BRD9: variants seen among roughly 807,000 people sequenced by gnomAD.
The protein encoded by BRD9 is bromodomain containing 9, also known as bromodomain-containing protein 9.
BRD9 carries 47 observed loss-of-function variants against 68.7 expected under a neutral mutation model. The ratio of observed to expected loss-of-function variants is 0.68; its 90% CI spans 0.54 to 0.87. BRD9 has a LOEUF of 0.87. BRD9 is among the 40% of genes least tolerant of loss of function. The pLI, the probability that BRD9 is intolerant of heterozygous loss-of-function variation, is 0.00. For missense variants in BRD9, 670 were observed against 748.4 expected (o/e 0.90, Z 1.22); for synonymous variants, 313 against 293.9 (o/e 1.06, Z -0.67).
rs549082364 is a variant in BRD9 at position 891,131 on chromosome 5, G to T, written c.400+24C>A. On this transcript the variant is annotated intron_variant, in intron 3 of 15. Coordinates refer to ENST00000467963, the MANE Select transcript of BRD9 (RefSeq NM_023924.5). ...CAACGATGAGCTGTGAACACCAGGA[G>T]AGTCTCTAAAAGTGCACCCTTGCCT... 9 of 1,537,070 alleles carry T rather than the reference G, an allele frequency of 5.9e-6. No homozygotes were observed. In the East Asian group the frequency reaches 2.2e-4, roughly 38 times the overall value.
intron 9 of BRD9, 119 bp from the exon 10 acceptor site, chr5:880,008 AT>A: frequency 1.9e-6 from 2 of 1,066,002 alleles, no homozygotes; most frequent in Non-Finnish European, 2.9e-6. Context: ...AGGTGGGGGG[AT>A]TTTATAATGA....
At chr5:873,499 A>C (rs991365016) in intron 12 of BRD9, among the ~76,000 whole-genome samples, 1 of 152,200 alleles carries the variant, frequency 6.6e-6, no homozygotes. Flanking sequence ...CCCTGCTTGC[A>C]GATACCGCCC....
At chr5:865,624 G>A (rs779681099) in intron 14 of BRD9, 43 bp from the exon 15 acceptor site, 15 of 1,551,698 alleles carry the variant, frequency 9.7e-6, no homozygotes, top group African/African-American at 4.1e-5. Context: ...GAGCTCAGCC[G>A]GCCCGTCTAC....
chr5:886,744 G>A, intron 6 of BRD9, 37 bp from the exon 7 acceptor site: 2 of 1,613,558 alleles, frequency 1.2e-6, no homozygotes. Flanking sequence ...ACGACATGCT[G>A]CGCTTCAAAG....
At chr5:887,260 T>C in intron 6 of BRD9, 101 bp downstream of exon 6, 1 of 978,948 alleles carries the variant, frequency 1.0e-6, no homozygotes, top group South Asian at 1.4e-5. Flanking sequence ...GGGTGGCGGG[T>C]GGATGGAGCA....
At chr5:888,420 T>C (rs1041518475) in intron 5 of BRD9, 2 of 152,306 alleles carry the variant, frequency 1.3e-5, no homozygotes, top group Non-Finnish European at 2.9e-5. Context: ...TCAGTAAGCA[T>C]AAAATAGAAA....
intron 1 of BRD9, 34 bp downstream of exon 1, chr5:892,572 G>GCCCGCCGCGCGTCACAAAGC: frequency 6.5e-7 from 1 of 1,531,844 alleles, no homozygotes; most frequent in Non-Finnish European, 8.8e-7. Context: ...CCGGGACCCC[G>GCCCGCCGCGCGTCACAAAGC]CCCGCCGCGC....
At chr5:868,860 C>T (rs568358150) in intron 14 of BRD9, 3 of 156,138 alleles carry the variant, frequency 1.9e-5, no homozygotes, top group East Asian at 3.8e-4. Flanking sequence ...ACAGGTGGAA[C>T]GTCACCACGC....
chr5:889,489 G>C (rs1051211230), intron 4 of BRD9, 98 bp downstream of exon 4: 2 of 1,361,470 alleles, frequency 1.5e-6, no homozygotes, highest in African/African-American at 1.5e-5. Flanking sequence ...TGCAGGGTCT[G>C]TTTCACAGCT....
intron 2 of BRD9, 170 bp downstream of exon 2, chr5:891,470 C>A: frequency 1.5e-6 from 2 of 1,322,168 alleles, no homozygotes; most frequent in African/African-American, 1.5e-5. Context: ...AACAGCACAC[C>A]CAGGATCCTG....
intron 8 of BRD9, chr5:881,864 A>G (rs1423667666): frequency 1.3e-5 from 2 of 152,888 alleles, no homozygotes; most frequent in Non-Finnish European, 2.9e-5. Context: ...GGTCAGCTCA[A>G]TGGGACACGG....
At chr5:887,814 T>C (rs141162651) in intron 5 of BRD9, among the ~76,000 whole-genome samples, 12 of 152,298 alleles carry the variant, frequency 7.9e-5, no homozygotes, top group Non-Finnish European at 1.8e-4. Context: ...TTCTTTCAAG[T>C]GCAAGTCAAG....
intron 9 of BRD9, among the ~76,000 whole-genome samples, chr5:880,760 C>T (rs1751617133): frequency 6.6e-6 from 1 of 152,236 alleles, no homozygotes; most frequent in Non-Finnish European, 1.5e-5. Context: ...CAGGGTGGGC[C>T]AGCACTCTGG....
chr5:864,941 A>G (rs57134736), intron 15 of BRD9, among the ~76,000 whole-genome samples: 5,720 of 152,296 alleles, frequency 0.038, 339 homozygotes, highest in African/African-American at 0.13. Flanking sequence ...TCACAAGGTC[A>G]ATGGAATCGA....
At position 884,077 on chromosome 5, in the gene BRD9, G is replaced by C. The variant is rs1286462790; in HGVS notation, c.834-7C>G. On this transcript the variant is annotated splice_polypyrimidine_tract_variant and splice_region_variant and intron_variant, in intron 7 of 15. Coordinates refer to ENST00000467963, the MANE Select transcript of BRD9 (RefSeq NM_023924.5). ...TTCAGGCTCAAACATGCAGCTGTGA[G>C]GTGGGGACAACCAAGTCACCTGGAG... is the stretch of plus-strand genomic sequence containing the variant. 1 of 1,611,978 alleles carries C rather than the reference G, an allele frequency of 6.2e-7. No homozygotes were observed. The highest frequency in any genetic ancestry group is 2.2e-5 in the East Asian group (1 of 44,842).
At chr5:886,496 G>A (rs879324020) in intron 7 of BRD9, 96 bp downstream of exon 7, 53 of 1,182,024 alleles carry the variant, frequency 4.5e-5, no homozygotes, top group African/African-American at 1.1e-4. Context: ...CATGACATCC[G>A]TTCTCTCACT....
rs753012675 is a variant in BRD9 at position 865,563 on chromosome 5, A to G, written c.1544T>C (p.Leu515Pro). The G allele has an allele frequency of 1.2e-6, 2 of 1,602,044 alleles. No homozygotes were observed. The highest frequency in any genetic ancestry group is 3.3e-5 in the Admixed American group (2 of 59,922). The change falls in exon 15 of 16, where the codon CTG becomes CCG. Residue 515 changes from leucine to proline, a missense_variant. Physicochemically the swap from Leu to Pro is moderately conservative, Grantham distance 98. This residue lies in a region of BRD9 where 280 missense variants were observed against 281.5 expected (regional missense o/e 0.99). Coordinates refer to ENST00000467963, the MANE Select transcript of BRD9 (RefSeq NM_023924.5). The stretch of plus-strand genomic sequence containing the variant: ...GTTCAAATGGCTGTCGTCAGGGTCC[A>G]GCTCCTTCTTCACCTTCCCTGTGTA... ...LSSLGKVKKE[L>P]DPDDSHLNLD... is the part of the protein sequence containing the mutation.
Position 883,971 on chromosome 5 carries a change from C to G in BRD9, c.933G>C (p.Arg311=). ...CTGGGAGGAACCGGTTGATCCTGTC[C>G]CGAGCTTCGTCAGCTGCGTGCTCCA... is the stretch of plus-strand genomic sequence containing the variant. ...ALVEHAADEA[R]DRINRFLPGG... Residue 311 remains arginine (R), a synonymous_variant, in exon 8 of 16, where the codon CGG becomes CGC. Coordinates refer to ENST00000467963, the MANE Select transcript of BRD9 (RefSeq NM_023924.5). 6.2e-7 allele frequency: 1 copy of G among 1,613,344 alleles called. No homozygotes were observed. Among genetic ancestry groups the G allele is most frequent in the African/African-American group, 1.3e-5 (1 of 75,048 alleles).
At chr5:869,657 T>G (rs1749851424) in intron 14 of BRD9, among the ~76,000 whole-genome samples, 1 of 152,242 alleles carries the variant, frequency 6.6e-6, no homozygotes. Flanking sequence ...GAACCTTGGC[T>G]TCTACAACTG....
Sources: allele counts gnomAD v4.1 joint callset (sites outside exome capture counted in the v4.1 genomes callset), GRCh38; gene constraint gnomAD v4.1.1; regional missense constraint gnomAD v4.1.1; transcripts MANE v1.5; gene names NCBI Gene and HGNC (gene_info 2026-07-23, HGNC 2026-07-21).